ADGRB3: variants seen among roughly 807,000 people sequenced by gnomAD.
The protein encoded by ADGRB3 is adhesion G protein-coupled receptor B3.
ADGRB3 carries 37 observed loss-of-function variants against 193.4 expected under a neutral mutation model. The ratio of observed to expected loss-of-function variants is 0.19; its 90% confidence interval spans 0.15 to 0.25. ADGRB3 has a LOEUF of 0.25. ADGRB3 is among the 10% of genes least tolerant of loss of function. The pLI is 1.00. For missense variants in ADGRB3, 1,637 were observed against 1,852.9 expected, an observed-to-expected ratio of 0.88 and a Z score of 2.14; for synonymous variants, 690 against 644.2, an observed-to-expected ratio of 1.07 and a Z score of -1.08.
At chr6:69,069,517 G>T (rs1452576783) in intron 16 of ADGRB3, among the ~76,000 whole-genome samples, 1 of 120,136 alleles carries the variant, frequency 8.3e-6, no homozygotes, top group Non-Finnish European at 1.6e-5. Flanking sequence ...AGACCAGCCT[G>T]GCCAAGAGGG....
In ADGRB3 at chr6:68,956,191, A is replaced by T; in HGVS notation, c.1360+3A>T. On this transcript the variant is annotated splice_donor_region_variant and intron_variant, in intron 7 of 31. Coordinates refer to ENST00000370598, the MANE Select transcript of ADGRB3 (RefSeq NM_001704.3). ...GTGCTATAACCCTGAATGTACAGGT[A>T]GGGCTTGATTCCTGCATATCATGGG... is the stretch of plus-strand genomic sequence containing the variant. 1 of 1,604,082 alleles carries T rather than the reference A, an allele frequency of 6.2e-7. No homozygotes were observed. The highest frequency in any genetic ancestry group is 8.5e-7 in the Non-Finnish European group (1 of 1,173,570).
At chr6:68,944,934 T>G (rs2150251708) in intron 6 of ADGRB3, among the ~76,000 whole-genome samples, 1 of 152,296 alleles carries the variant, frequency 6.6e-6, no homozygotes, top group African/African-American at 2.4e-5. Context: ...TCACATATTC[T>G]GCATGCAAGC....
chr6:68,660,464 C>G (rs1290697636), intron 3 of ADGRB3, among the ~76,000 whole-genome samples: 1 of 150,786 alleles, frequency 6.6e-6, no homozygotes, highest in Non-Finnish European at 1.5e-5. Context: ...TCATTATACA[C>G]ACAATTACCT....
chr6:68,943,709 T>C, intron 5 of ADGRB3, 121 bp from the exon 6 acceptor site: 1 of 758,400 alleles, frequency 1.3e-6, no homozygotes, highest in Non-Finnish European at 1.9e-6. Context: ...TTATCTCAAC[T>C]GAGTTTTAAC....
At chr6:69,108,890 G>A (rs1215467744) in intron 17 of ADGRB3, among the ~76,000 whole-genome samples, 4 of 152,130 alleles carry the variant, frequency 2.6e-5, no homozygotes, top group African/African-American at 7.2e-5. Flanking sequence ...TATATTCTGA[G>A]CTAGGAAACT....
intron 20 of ADGRB3, among the ~76,000 whole-genome samples, chr6:69,320,108 G>A (rs1217798503): frequency 6.6e-6 from 1 of 151,254 alleles, no homozygotes; most frequent in Non-Finnish European, 1.5e-5. Context: ...AAATGTTCAA[G>A]CGTATTTTTC....
At chr6:68,757,484 C>A (rs904747167) in intron 3 of ADGRB3, among the ~76,000 whole-genome samples, 5 of 152,014 alleles carry the variant, frequency 3.3e-5, no homozygotes, top group Non-Finnish European at 7.4e-5. Flanking sequence ...TATTTTCTAC[C>A]AGACTATTGA....
intron 3 of ADGRB3, among the ~76,000 whole-genome samples, chr6:68,898,057 G>A (rs987590004): frequency 1.3e-5 from 2 of 149,984 alleles, no homozygotes; most frequent in Non-Finnish European, 3.0e-5. Flanking sequence ...GAGAAAGAGA[G>A]GTTTATTATA....
intron 3 of ADGRB3, among the ~76,000 whole-genome samples, chr6:68,826,287 A>G (rs2127382121): frequency 6.6e-6 from 1 of 152,324 alleles, no homozygotes; most frequent in Non-Finnish European, 1.5e-5. Context: ...CAGAAAGTAC[A>G]CCTTGAAATG....
At chr6:69,338,072 T>C (rs1768890591) in intron 24 of ADGRB3, among the ~76,000 whole-genome samples, 3 of 152,190 alleles carry the variant, frequency 2.0e-5, no homozygotes, top group Admixed American at 1.3e-4. Flanking sequence ...TACAGTTTTC[T>C]AAAGCAAAAT....
rs571919402 is a variant in ADGRB3, at chr6:69,330,638, T to C, written c.3102+66T>C. 17 of 1,359,070 alleles carry C rather than the reference T, an allele frequency of 1.3e-5. No homozygotes were observed. In the Admixed American group the frequency reaches 2.2e-4, roughly 18 times the overall value. 84.2% of individuals were successfully genotyped at this position (1,359,070 alleles called of 1,614,324 possible). On this transcript the variant is annotated intron_variant, in intron 23 of 31. Coordinates refer to ENST00000370598, the MANE Select transcript of ADGRB3 (RefSeq NM_001704.3). The stretch of plus-strand genomic sequence containing the variant: ...AAAAAAAAGACTACTTTCTTTCAAT[T>C]AGAGTGGCAATTTTGATAATGTAGT...
chr6:69,233,953 A>G (rs1191970659), intron 18 of ADGRB3, among the ~76,000 whole-genome samples: 1 of 152,196 alleles, frequency 6.6e-6, no homozygotes, highest in East Asian at 1.9e-4. Flanking sequence ...ATTCCTTAAT[A>G]GTATATAGTT....
Position 69,231,065 on chromosome 6 carries a change from C to A in ADGRB3, c.2481-2225C>A, listed in dbSNP as rs866429318. Among the ~76,000 whole-genome samples the A allele has an allele frequency of 7.0e-3, 1,073 of 152,258 alleles. 10 individuals carry two copies. Among genetic ancestry groups the A allele is most frequent in the African/African-American group, 0.024 (999 of 41,546 alleles). On this transcript the variant is annotated intron_variant, in intron 17 of 31. Coordinates refer to ENST00000370598, the MANE Select transcript of ADGRB3 (RefSeq NM_001704.3). Reference sequence around the variant, plus strand: ...TGAAGGACTAAAACATGAACATCGGCGTTACTTACTTCCCAGTTTTGCCTG... The same window carrying A: ...TGAAGGACTAAAACATGAACATCGGAGTTACTTACTTCCCAGTTTTGCCTG...
chr6:68,761,693 T>G (rs1249504269), intron 3 of ADGRB3, among the ~76,000 whole-genome samples: 1 of 151,592 alleles, frequency 6.6e-6, no homozygotes, highest in Non-Finnish European at 1.5e-5. Flanking sequence ...TCTGCTTTTT[T>G]GTTGTTGTTG....
chr6:68,696,008 G>A (rs1765150896), intron 3 of ADGRB3, among the ~76,000 whole-genome samples: 1 of 151,876 alleles, frequency 6.6e-6, no homozygotes, highest in South Asian at 2.1e-4. Context: ...GACCCAAAGG[G>A]GGTAGTCTCT....
At chr6:68,793,552 C>T (rs139641175) in intron 3 of ADGRB3, among the ~76,000 whole-genome samples, 243 of 152,048 alleles carry the variant, frequency 1.6e-3, no homozygotes, top group Non-Finnish European at 2.6e-3. Context: ...TTTTTTAAGA[C>T]GAGTCTCACT....
chr6:68,852,632 C>T (rs1315418912), intron 3 of ADGRB3, among the ~76,000 whole-genome samples: 3 of 151,978 alleles, frequency 2.0e-5, no homozygotes, highest in Non-Finnish European at 2.9e-5. Context: ...TTTGTGCCAA[C>T]ACTATCAGTG....
At chr6:68,662,646 A>T (rs1272156258) in intron 3 of ADGRB3, among the ~76,000 whole-genome samples, 6 of 151,608 alleles carry the variant, frequency 4.0e-5, no homozygotes, top group Non-Finnish European at 7.4e-5. Flanking sequence ...AAATGAGTAT[A>T]TCTCAAAACA....
chr6:68,653,181 T>C (rs1768410417), intron 3 of ADGRB3, among the ~76,000 whole-genome samples: 1 of 152,162 alleles, frequency 6.6e-6, no homozygotes, highest in Non-Finnish European at 1.5e-5. Flanking sequence ...AGCTGAGTTC[T>C]TAAGTGACTA....
Sources: gnomAD v4.1 joint callset for allele counts (sites outside exome capture counted in the v4.1 genomes callset) on GRCh38, gnomAD v4.1.1 for gene constraint, MANE v1.5 for transcripts, NCBI Gene and HGNC (gene_info 2026-07-23, HGNC 2026-07-21) for gene names.